Variants in GFPT1 observed in about 807,000 individuals in gnomAD.
The protein encoded by GFPT1 is glutamine--fructose-6-phosphate aminotransferase [isomerizing] 1.
Under a neutral mutation model 92.0 loss-of-function variants are expected in GFPT1, and 40 were observed. The ratio of observed to expected loss-of-function variants is 0.43; its 90% CI spans 0.34 to 0.57. The LOEUF is 0.57. Among genes scored for constraint, GFPT1 ranks in the 20% least tolerant of loss-of-function variants. GFPT1 has a pLI of 0.02. For synonymous variants in GFPT1, 269 were observed against 280.6 expected, an observed-to-expected ratio of 0.96 and a Z score of 0.41; for missense variants, 448 against 869.1, an observed-to-expected ratio of 0.52 and a Z score of 6.09.
intron 15 of GFPT1, 37 bp downstream of exon 15, chr2:69,337,861 A>G (rs1347497569): frequency 6.4e-7 from 1 of 1,565,362 alleles, no homozygotes; most frequent in Non-Finnish European, 8.8e-7. Context: ...TGACACTATG[A>G]TTAAATAATC....
chr2:69,365,013 AAAAAAAAG>A (rs1671575019), intron 3 of GFPT1, among the ~76,000 whole-genome samples: 1 of 150,624 alleles, frequency 6.6e-6, no homozygotes, highest in African/African-American at 2.5e-5. Context: ...AAAAAAAAAA[AAAAAAAAG>A]AAGTAGCTGA....
intron 3 of GFPT1, among the ~76,000 whole-genome samples, chr2:69,365,817 T>C (rs763008985): frequency 2.7e-5 from 4 of 150,472 alleles, no homozygotes; most frequent in Non-Finnish European, 4.4e-5. Flanking sequence ...ACTTTTTTTA[T>C]TTTTTTTTTG....
chr2:69,375,769 T>C (rs754850859), intron 1 of GFPT1, among the ~76,000 whole-genome samples: 33 of 152,162 alleles, frequency 2.2e-4, no homozygotes, highest in Non-Finnish European at 4.4e-4. Flanking sequence ...AAAATAGAAA[T>C]TGAGTTAACT....
At chr2:69,366,543 T>C (rs1340510844) in intron 3 of GFPT1, among the ~76,000 whole-genome samples, 2 of 152,230 alleles carry the variant, frequency 1.3e-5, no homozygotes, top group South Asian at 2.1e-4. Context: ...TATTTCACTG[T>C]TGCTACCTAA....
chr2:69,386,724 G>A (rs1018827821), intron 1 of GFPT1, among the ~76,000 whole-genome samples: 1 of 152,176 alleles, frequency 6.6e-6, no homozygotes, highest in African/African-American at 2.4e-5. Context: ...CCCTTTTGAA[G>A]GCAACCCCCT....
chr2:69,333,603 A>G (rs1393820414), intron 15 of GFPT1, among the ~76,000 whole-genome samples: 1 of 152,218 alleles, frequency 6.6e-6, no homozygotes, highest in South Asian at 2.1e-4. Flanking sequence ...ACAAAGTTAC[A>G]TTTTTATTTT....
At chr2:69,357,322 T>C (rs1389474697) in intron 6 of GFPT1, among the ~76,000 whole-genome samples, 1 of 152,166 alleles carries the variant, frequency 6.6e-6, no homozygotes. Flanking sequence ...GAGATATAAA[T>C]ATATACAATT....
chr2:69,373,097 C>T (rs973448150), intron 2 of GFPT1, among the ~76,000 whole-genome samples: 2 of 152,196 alleles, frequency 1.3e-5, no homozygotes, highest in African/African-American at 2.4e-5. Flanking sequence ...TTGTGCCTAG[C>T]TTTCTCAAGA....
intron 13 of GFPT1, among the ~76,000 whole-genome samples, chr2:69,340,908 A>C (rs1367495140): frequency 6.6e-6 from 1 of 152,150 alleles, no homozygotes. Context: ...TCATTCAGTA[A>C]TAGATCTAAG....
chr2:69,362,348 A>G (rs573758272), intron 4 of GFPT1, among the ~76,000 whole-genome samples: 45 of 152,252 alleles, frequency 3.0e-4, no homozygotes, highest in African/African-American at 9.9e-4. Flanking sequence ...GCTGGTCTCA[A>G]ACTCCTGGGC....
intron 12 of GFPT1, among the ~76,000 whole-genome samples, chr2:69,344,703 G>C (rs1217929775): frequency 6.6e-6 from 1 of 151,462 alleles, no homozygotes; most frequent in Non-Finnish European, 1.5e-5. Flanking sequence ...CAGTGCAGTG[G>C]TGGAGTCAGA....
In GFPT1 at chr2:69,326,215, G is replaced by T; in HGVS notation, c.2074C>A (p.Leu692Ile). Residue 692 changes from leucine (L) to isoleucine (I), a missense_variant, in exon 20 of 20, where the codon CTT becomes ATT. Physicochemically the swap from Leu to Ile is conservative, Grantham distance 5. Coordinates refer to ENST00000357308, the MANE Select transcript of GFPT1 (RefSeq NM_001244710.2). The part of the protein sequence containing the change: ...RGYDVDFPRN[L>I]AKSVTVE The stretch of plus-strand genomic sequence containing the variant: ...CACTCTACAGTCACAGATTTGGCAA[G>T]ATTCCGTGGGAAATCAACCTGCAAA... 2 of 1,591,260 alleles carry T rather than the reference G, an allele frequency of 1.3e-6. No individual in the cohort carries two copies. Among genetic ancestry groups the T allele is most frequent in the Non-Finnish European group, 1.7e-6 (2 of 1,166,402 alleles).
In GFPT1 at chr2:69,329,411, T is replaced by C. The variant is rs768171205; in HGVS notation, c.1611A>G (p.Glu537=). The C allele has an allele frequency of 8.7e-6, 14 of 1,607,358 alleles. No individual in the cohort carries two copies. Among genetic ancestry groups the C allele is most frequent in the Non-Finnish European group, 1.2e-5 (14 of 1,174,012 alleles). The change falls in exon 17 of 20, where the codon GAA becomes GAG. Residue 537 remains glutamate (E), a synonymous_variant. Transcript: ENST00000357308. Reference sequence around the variant, plus strand: ...GAATTTCGTCATCCATGCTCAGTACTTCCTTAATCAAATCTAAGAAGTAAT... The same window carrying C: ...GAATTTCGTCATCCATGCTCAGTACCTCCTTAATCAAATCTAAGAAGTAAT... ...GLKRLPDLIK[E]VLSMDDEIQK... is the part of the protein sequence containing the mutation.
At chr2:69,329,608 C>T in intron 16 of GFPT1, 76 bp downstream of exon 16, 4 of 1,075,372 alleles carry the variant, frequency 3.7e-6, no homozygotes, top group Non-Finnish European at 5.8e-6. Context: ...CAAGCCACAG[C>T]TTCAAGGATA....
At chr2:69,331,844 C>T (rs1160042289) in intron 15 of GFPT1, among the ~76,000 whole-genome samples, 9 of 151,694 alleles carry the variant, frequency 5.9e-5, no homozygotes, top group African/African-American at 1.7e-4. Flanking sequence ...GTGAATAAAA[C>T]GTATTCAATA....
At position 69,328,242 on chromosome 2, in the gene GFPT1, C is replaced by A. The variant is rs967035222; in HGVS notation, c.1893+29G>T. The A allele has an allele frequency of 4.4e-6, 7 of 1,581,116 alleles. No individual in the cohort carries two copies. The African/African-American group carries it at 9.4e-5, about 21-fold the overall frequency. On this transcript the variant is annotated intron_variant, in intron 18 of 19. Coordinates refer to ENST00000357308, the MANE Select transcript of GFPT1 (RefSeq NM_001244710.2). ...TAGCGTAACTCCCCTCTTTGATCCCCAAGGTGTTCTCACAGTCCCCCGACT... is the reference window on the plus strand; with the variant it reads ...TAGCGTAACTCCCCTCTTTGATCCCAAAGGTGTTCTCACAGTCCCCCGACT...
At chr2:69,382,029 A>G (rs1672024686) in intron 1 of GFPT1, among the ~76,000 whole-genome samples, 1 of 151,764 alleles carries the variant, frequency 6.6e-6, no homozygotes, top group South Asian at 2.1e-4. Context: ...ACAGCTGGCT[A>G]ATTTTTGTAT....
At chr2:69,334,816 T>G (rs1046205836) in intron 15 of GFPT1, 5 of 152,102 alleles carry the variant, frequency 3.3e-5, no homozygotes, top group African/African-American at 1.2e-4. Context: ...AGTTCCTGAG[T>G]ATGAGGCTGG....
At chr2:69,327,178 C>T (rs924848263) in intron 18 of GFPT1, 103 bp from the exon 19 acceptor site, 29 of 923,552 alleles carry the variant, frequency 3.1e-5, no homozygotes, top group Non-Finnish European at 4.6e-5. Context: ...CATATGAAGC[C>T]TCACGGACAG....
Sources: allele counts gnomAD v4.1 joint callset (sites outside exome capture counted in the v4.1 genomes callset), GRCh38; gene constraint gnomAD v4.1.1; transcripts MANE v1.5; gene names NCBI Gene and HGNC (gene_info 2026-07-23, HGNC 2026-07-21).